PTPRN2: variants seen among roughly 807,000 people sequenced by gnomAD.
PTPRN2 encodes protein tyrosine phosphatase receptor type N2.
A neutral mutation model predicts 118.8 loss-of-function variants in PTPRN2; 74 were observed. The ratio of observed to expected loss-of-function variants is 0.62; its 90% CI spans 0.52 to 0.76. The LOEUF is 0.76. PTPRN2 is among the 30% of genes least tolerant of loss of function. PTPRN2 has a pLI of 0.00. For missense variants in PTPRN2, 1,481 were observed against 1,394.4 expected, an observed-to-expected ratio of 1.06 and a Z score of -0.99; for synonymous variants, 641 against 608.0, an observed-to-expected ratio of 1.05 and a Z score of -0.80.
At chr7:157,870,795 G>C (rs548163420) in intron 12 of PTPRN2, among the ~76,000 whole-genome samples, 1 of 152,210 alleles carries the variant, frequency 6.6e-6, no homozygotes, top group African/African-American at 2.4e-5. Flanking sequence ...GCATGGCCTC[G>C]TGCCAGCCTC....
chr7:157,857,781 C>G (rs909271482), intron 12 of PTPRN2: 1 of 152,318 alleles, frequency 6.6e-6, no homozygotes, highest in Non-Finnish European at 1.5e-5. Flanking sequence ...CCTCTTCGTG[C>G]AAGCGCCCGC....
chr7:158,552,106 A>G (rs1221085252), intron 1 of PTPRN2, among the ~76,000 whole-genome samples: 3 of 101,354 alleles, frequency 3.0e-5, no homozygotes, highest in Non-Finnish European at 6.0e-5. Context: ...GCTCTAACAC[A>G]TGCATTTGGG....
rs536763151 is a variant in PTPRN2 at position 158,098,854 on chromosome 7, C to T, written c.1643+11975G>A. On this transcript the variant is annotated intron_variant, in intron 10 of 22. Coordinates refer to ENST00000389418, the MANE Select transcript of PTPRN2 (RefSeq NM_002847.5). ...CAGTGGGGGACGGGGAACGGGGCCG[C>T]GGGGAGGGCCGGAGAAGATGGTAGA... 4.0e-5 allele frequency among the ~76,000 whole-genome samples: 6 copies of T among 150,002 alleles called. No individual in the cohort carries two copies. In the South Asian group the frequency reaches 1.1e-3, roughly 28 times the overall value.
At chr7:157,599,050 T>C (rs1294347776) in intron 16 of PTPRN2, among the ~76,000 whole-genome samples, 1 of 151,612 alleles carries the variant, frequency 6.6e-6, no homozygotes, top group Non-Finnish European at 1.5e-5. Flanking sequence ...CACCCTGTCA[T>C]CCATGCTGGA....
At chr7:158,149,737 G>A (rs1333621265) in intron 6 of PTPRN2, among the ~76,000 whole-genome samples, 1 of 151,554 alleles carries the variant, frequency 6.6e-6, no homozygotes, top group African/African-American at 2.4e-5. Context: ...ATGGGAGACG[G>A]AGGTTGCGGT....
chr7:158,119,371 A>G (rs535497562), intron 9 of PTPRN2, among the ~76,000 whole-genome samples: 149 of 152,324 alleles, frequency 9.8e-4, no homozygotes, highest in Non-Finnish European at 1.6e-3. Context: ...AAAAAAACCC[A>G]GAAAATAGTA....
intron 3 of PTPRN2, among the ~76,000 whole-genome samples, chr7:158,238,908 C>T (rs866745512): frequency 1.3e-5 from 2 of 151,598 alleles, no homozygotes; most frequent in African/African-American, 4.9e-5. Flanking sequence ...GTGAAGGCCA[C>T]GCAGCCCCCA....
intron 6 of PTPRN2, among the ~76,000 whole-genome samples, chr7:158,150,599 C>G (rs895763136): frequency 1.3e-5 from 2 of 152,134 alleles, no homozygotes; most frequent in Admixed American, 1.3e-4. Context: ...TATGGAAAGA[C>G]CTTTTCTCCT....
At chr7:158,278,142 G>A (rs537248002) in intron 3 of PTPRN2, among the ~76,000 whole-genome samples, 9 of 152,266 alleles carry the variant, frequency 5.9e-5, no homozygotes, top group African/African-American at 1.7e-4. Context: ...GCCTCAGCAC[G>A]TAACATGTCT....
chr7:158,024,883 A>C (rs1807151934), intron 11 of PTPRN2, among the ~76,000 whole-genome samples: 2 of 152,236 alleles, frequency 1.3e-5, no homozygotes, highest in Admixed American at 6.5e-5. Flanking sequence ...AGTTTTCAAT[A>C]AGCAACAAAA....
intron 11 of PTPRN2, among the ~76,000 whole-genome samples, chr7:158,075,223 A>G (rs1812248169): frequency 6.6e-6 from 1 of 152,164 alleles, no homozygotes; most frequent in Non-Finnish European, 1.5e-5. Context: ...GCTGTTCAGA[A>G]TGGAGTCATG....
intron 1 of PTPRN2, among the ~76,000 whole-genome samples, chr7:158,548,987 C>CAA (rs1826468801): frequency 1.3e-5 from 2 of 152,220 alleles, no homozygotes; most frequent in African/African-American, 4.8e-5. Flanking sequence ...AACGCCCGGC[C>CAA]CCCGCTTGAG....
intron 3 of PTPRN2, among the ~76,000 whole-genome samples, chr7:158,226,113 A>C: frequency 6.6e-6 from 1 of 152,246 alleles, no homozygotes; most frequent in East Asian, 1.9e-4. Context: ...CTGAGCCTTA[A>C]CTATGAGCCA....
chr7:158,047,580 A>G (rs1453867529), intron 11 of PTPRN2, among the ~76,000 whole-genome samples: 2 of 152,096 alleles, frequency 1.3e-5, no homozygotes, highest in African/African-American at 2.4e-5. Flanking sequence ...GCCTGCCTGC[A>G]GTCACTGAGA....
At chr7:158,569,515 G>GGCTCTCAGGGTCCT (rs759022796) in intron 1 of PTPRN2, among the ~76,000 whole-genome samples, 8 of 152,278 alleles carry the variant, frequency 5.3e-5, no homozygotes, top group East Asian at 3.9e-4. Flanking sequence ...CGAGGGGTCC[G>GGCTCTCAGGGTCCT]GCTCTCAGGG....
rs1826951395 is a variant in PTPRN2, at chr7:158,555,896, G to A, written c.112+31662C>T. On this transcript the variant is annotated intron_variant, in intron 1 of 22. Transcript: ENST00000389418. The surrounding 1 kb of genome is among the most constrained non-coding windows in gnomAD (Gnocchi z 4.7). ...ATCTGTGAACAATAATCACAACATG[G>A]CACACACAACACACGTCCCAAAATA... Among the ~76,000 whole-genome samples, 1 of 152,034 alleles carries A rather than the reference G, an allele frequency of 6.6e-6. No individual in the cohort carries two copies. The highest frequency in any genetic ancestry group is 1.5e-5 in the Non-Finnish European group (1 of 68,034).
chr7:158,136,287 C>T (rs1242159022), intron 8 of PTPRN2, among the ~76,000 whole-genome samples: 1 of 152,214 alleles, frequency 6.6e-6, no homozygotes, highest in East Asian at 1.9e-4. Context: ...TGTGAGTGAG[C>T]TGAACCCCTC....
chr7:158,231,421 T>C (rs1829157333), intron 3 of PTPRN2, among the ~76,000 whole-genome samples: 1 of 152,070 alleles, frequency 6.6e-6, no homozygotes, highest in South Asian at 2.1e-4. Flanking sequence ...AGCAAGAGGA[T>C]ATAAAATTAT....
chr7:158,126,980 C>T (rs568842087), intron 9 of PTPRN2, among the ~76,000 whole-genome samples: 1 of 152,200 alleles, frequency 6.6e-6, no homozygotes, highest in Non-Finnish European at 1.5e-5. Flanking sequence ...AACGGTGGCC[C>T]GGTACCATCT....
Sources: gnomAD v4.1 joint callset for allele counts (sites outside exome capture counted in the v4.1 genomes callset) on GRCh38, gnomAD v4.1.1 for gene constraint, Gnocchi (gnomAD v3.1) non-coding constraint, MANE v1.5 for transcripts, NCBI Gene and HGNC (gene_info 2026-07-23, HGNC 2026-07-21) for gene names.